RBFOX1: variants seen among roughly 807,000 people sequenced by gnomAD.
RBFOX1 encodes the protein RNA binding fox-1 homolog 1.
In RBFOX1, 8 loss-of-function variants were observed where a neutral mutation model predicts 57.7. The observed-to-expected ratio is 0.14, with a 90% CI of 0.08 to 0.25. The LOEUF (loss-of-function observed/expected upper bound fraction) is 0.25, where lower values mean the gene tolerates loss of function less well. Ranked by LOEUF, RBFOX1 falls within the 10% of genes least tolerant of loss-of-function variation. RBFOX1 has a pLI of 1.00. For missense variants in RBFOX1, 611 were observed against 548.5 expected, an observed-to-expected ratio of 1.11 and a Z score of -1.14; for synonymous variants, 326 against 222.4, an observed-to-expected ratio of 1.47 and a Z score of -4.15.
At chr16:6,033,914 A>G (rs1006040921) in intron 1 of RBFOX1, among the ~76,000 whole-genome samples, 5 of 152,298 alleles carry the variant, frequency 3.3e-5, no homozygotes, top group Middle Eastern at 3.4e-3. Context: ...AACCAAATGA[A>G]GCCATGTGGT....
intron 3 of RBFOX1, among the ~76,000 whole-genome samples, chr16:6,695,093 T>G (rs928661698): frequency 2.0e-5 from 3 of 151,918 alleles, no homozygotes; most frequent in Admixed American, 1.3e-4. Context: ...CAGAAAGCCC[T>G]TGTCCCAGTG....
chr16:5,403,386 A>T (rs974306086), intron 1 of RBFOX1, among the ~76,000 whole-genome samples: 1 of 151,912 alleles, frequency 6.6e-6, no homozygotes, highest in East Asian at 1.9e-4. Context: ...AAACAAACAA[A>T]AAAACCCAAA....
Position 6,922,171 on chromosome 16 carries a change from A to G in RBFOX1, c.-15-129886A>G, listed in dbSNP as rs941576686. On this transcript the variant is annotated intron_variant, in intron 3 of 15. Coordinates refer to ENST00000550418, the MANE Select transcript of RBFOX1 (RefSeq NM_018723.4). ...ACACACAGGGGAGGATGTGAAATGG[A>G]TCCTGGGGGGTAGGTGCAATTCAGT... Among the ~76,000 whole-genome samples the G allele has an allele frequency of 5.3e-5, 8 of 152,114 alleles. No individual in the cohort carries two copies. The South Asian group carries it at 1.7e-3, about 32-fold the overall frequency.
intron 2 of RBFOX1, among the ~76,000 whole-genome samples, chr16:6,322,030 C>G (rs535932219): frequency 5.9e-4 from 90 of 152,330 alleles, no homozygotes; most frequent in African/African-American, 2.0e-3. Flanking sequence ...ACTCTCTTCT[C>G]AGGAACCTCA....
At chr16:6,612,226 A>G (rs75069091) in intron 2 of RBFOX1, among the ~76,000 whole-genome samples, 18,748 of 152,186 alleles carry the variant, frequency 0.12, 1,429 homozygotes, top group Middle Eastern at 0.24. Context: ...AGAGAGTCCT[A>G]GTATACTCTT....
chr16:7,684,839 C>G (rs952803885), intron 14 of RBFOX1, among the ~76,000 whole-genome samples: 6 of 152,056 alleles, frequency 3.9e-5, no homozygotes, highest in African/African-American at 1.4e-4. Flanking sequence ...ATAATTCTTC[C>G]TGGACAATAC....
intron 4 of RBFOX1, among the ~76,000 whole-genome samples, chr16:5,917,771 C>G (rs1471960173): frequency 1.3e-5 from 2 of 152,188 alleles, no homozygotes; most frequent in Non-Finnish European, 2.9e-5. Flanking sequence ...AATGTAGTCT[C>G]AAAGTGTGAC....
intron 3 of RBFOX1, among the ~76,000 whole-genome samples, chr16:5,792,158 A>T (rs953627319): frequency 2.6e-5 from 4 of 152,236 alleles, no homozygotes; most frequent in Non-Finnish European, 4.4e-5. Flanking sequence ...TAAGGGGCTG[A>T]TAAAAGAGAA....
intron 4 of RBFOX1, among the ~76,000 whole-genome samples, chr16:7,436,004 C>T (rs113598636): frequency 0.014 from 2,111 of 152,146 alleles, 61 homozygotes; most frequent in African/African-American, 0.048. Context: ...GCGCTGTGAT[C>T]TTCAGTTAAT....
At chr16:5,252,150 A>G (rs1027895810) in intron 1 of RBFOX1, among the ~76,000 whole-genome samples, 1 of 152,152 alleles carries the variant, frequency 6.6e-6, no homozygotes, top group Non-Finnish European at 1.5e-5. Flanking sequence ...AGGACAGGGA[A>G]GTGTGGAAGG....
chr16:6,188,884 C>G (rs1037306631), intron 1 of RBFOX1, among the ~76,000 whole-genome samples: 10 of 147,024 alleles, frequency 6.8e-5, no homozygotes, highest in African/African-American at 2.7e-4. Flanking sequence ...GACTAAAACA[C>G]CAGTCTGCTT....
intron 3 of RBFOX1, among the ~76,000 whole-genome samples, chr16:6,881,988 A>AC (rs1350284429): frequency 3.3e-5 from 5 of 152,122 alleles, no homozygotes; most frequent in African/African-American, 4.8e-5. Flanking sequence ...CATAAAGGAG[A>AC]AATTTTTTTA....
chr16:7,475,640 G>A (rs146213856), intron 4 of RBFOX1, among the ~76,000 whole-genome samples: 12 of 152,114 alleles, frequency 7.9e-5, no homozygotes, highest in African/African-American at 2.9e-4. Context: ...GAGAGAGATA[G>A]CTAAGATCAT....
chr16:7,537,516 C>G lies in RBFOX1; in HGVS notation c.270+19127C>G, dbSNP rs532375223. 6.4e-4 allele frequency among the ~76,000 whole-genome samples: 98 copies of G among 152,238 alleles called. 2 individuals carry two copies. The South Asian group carries it at 0.019, about 30-fold the overall frequency. The stretch of plus-strand genomic sequence containing the variant: ...TCTGACTCTAGACCTACACTTATAA[C>G]CACAACTTCACACTCTTTTTGCTGC... On this transcript the variant is annotated intron_variant, in intron 5 of 15. Transcript: ENST00000550418.
At chr16:7,429,411 C>T (rs541504795) in intron 4 of RBFOX1, among the ~76,000 whole-genome samples, 1 of 152,234 alleles carries the variant, frequency 6.6e-6, no homozygotes, top group Non-Finnish European at 1.5e-5. Flanking sequence ...CCTGGCTAGC[C>T]CATCAAAAGT....
At chr16:6,941,192 A>T (rs1597876141) in intron 3 of RBFOX1, among the ~76,000 whole-genome samples, 2 of 150,664 alleles carry the variant, frequency 1.3e-5, no homozygotes, top group Non-Finnish European at 1.5e-5. Context: ...CCATGCATAC[A>T]TATATATATA....
At chr16:7,160,691 G>A (rs1029001461) in intron 4 of RBFOX1, among the ~76,000 whole-genome samples, 2 of 151,682 alleles carry the variant, frequency 1.3e-5, no homozygotes, top group Admixed American at 6.6e-5. Flanking sequence ...TTTCCTGGGG[G>A]GTTTTTCTGT....
intron 2 of RBFOX1, among the ~76,000 whole-genome samples, chr16:6,331,333 G>C (rs951871088): frequency 8.5e-5 from 13 of 152,208 alleles, no homozygotes; most frequent in Non-Finnish European, 1.3e-4. Flanking sequence ...TGTAGTCCCA[G>C]CTACTGGGGA....
chr16:5,316,052 C>T (rs907531687), intron 1 of RBFOX1, among the ~76,000 whole-genome samples: 8 of 152,224 alleles, frequency 5.3e-5, no homozygotes, highest in African/African-American at 1.9e-4. Flanking sequence ...CTTGCTGTCT[C>T]TGCTCTCAGC....
Sources: allele counts gnomAD v4.1 joint callset (sites outside exome capture counted in the v4.1 genomes callset), GRCh38; gene constraint gnomAD v4.1.1; transcripts MANE v1.5; gene names NCBI Gene and HGNC (gene_info 2026-07-23, HGNC 2026-07-21).